The following PLCL1 variants were observed in gnomAD, a reference collection of about 807,000 sequenced individuals.
PLCL1 encodes the protein inactive phospholipase C-like protein 1.
PLCL1 carries 41 observed loss-of-function variants against 84.4 expected under a neutral mutation model. That is an observed-to-expected ratio of 0.49 (90% confidence interval 0.38 to 0.63). PLCL1 has a LOEUF of 0.63. PLCL1 is among the 30% of genes least tolerant of loss of function. PLCL1 has a pLI of 0.00. For missense variants in PLCL1, 1,206 were observed against 1,367.8 expected (o/e 0.88, Z 1.87); for synonymous variants, 490 against 488.3 (o/e 1.00, Z -0.05).
intron 1 of PLCL1, among the ~76,000 whole-genome samples, chr2:197,827,522 G>A (rs1259969713): frequency 6.6e-6 from 1 of 152,130 alleles, no homozygotes; most frequent in East Asian, 1.9e-4. Flanking sequence ...TTGGAAGAGA[G>A]AGAAGCTCAG....
chr2:197,971,471 T>G (rs1226179376), intron 1 of PLCL1, among the ~76,000 whole-genome samples: 2 of 152,116 alleles, frequency 1.3e-5, no homozygotes, highest in Non-Finnish European at 2.9e-5. Context: ...CATGAAAGTG[T>G]ACGAACCCAG....
intron 1 of PLCL1, among the ~76,000 whole-genome samples, chr2:197,942,663 A>G (rs1046390099): frequency 2.2e-4 from 34 of 152,282 alleles, no homozygotes; most frequent in Admixed American, 7.2e-4. Flanking sequence ...TTTCATGAAC[A>G]TTTGATGAGT....
chr2:197,921,371 C>T (rs967867823), intron 1 of PLCL1, among the ~76,000 whole-genome samples: 3 of 152,072 alleles, frequency 2.0e-5, no homozygotes, highest in Non-Finnish European at 4.4e-5. Context: ...AGAGGCACCT[C>T]TATTAATTAA....
intron 1 of PLCL1, among the ~76,000 whole-genome samples, chr2:197,835,933 CA>C: frequency 6.6e-6 from 1 of 152,204 alleles, no homozygotes; most frequent in East Asian, 1.9e-4. Flanking sequence ...ATTGTGAATT[CA>C]AATCTACCTA....
chr2:197,901,454 T>A (rs1438949630), intron 1 of PLCL1, among the ~76,000 whole-genome samples: 1 of 152,170 alleles, frequency 6.6e-6, no homozygotes, highest in East Asian at 1.9e-4. Flanking sequence ...TAAGTGGGAT[T>A]TCTGTTGGAT....
At chr2:198,108,369 T>C (rs1439116212) in intron 5 of PLCL1, among the ~76,000 whole-genome samples, 1 of 151,858 alleles carries the variant, frequency 6.6e-6, no homozygotes, top group Non-Finnish European at 1.5e-5. Flanking sequence ...AATTAACCAA[T>C]TCTGGTTAAA....
chr2:198,090,717 A>G (rs1693006099), intron 3 of PLCL1, among the ~76,000 whole-genome samples: 1 of 152,248 alleles, frequency 6.6e-6, no homozygotes, highest in African/African-American at 2.4e-5. Flanking sequence ...TATAATTGCC[A>G]TCTAAGAGGT....
intron 3 of PLCL1, among the ~76,000 whole-genome samples, chr2:198,092,459 A>G (rs1693069760): frequency 6.6e-6 from 1 of 152,232 alleles, no homozygotes; most frequent in African/African-American, 2.4e-5. Context: ...ATCACCTCAA[A>G]CATTTATTTC....
At position 198,086,006 on chromosome 2, in the gene PLCL1, C is replaced by A; in HGVS notation, c.2489C>A (p.Ser830Tyr). 6.2e-7 allele frequency: 1 copy of A among 1,614,008 alleles called. No homozygotes were observed. Among genetic ancestry groups the A allele is most frequent in the Non-Finnish European group, 8.5e-7 (1 of 1,179,978 alleles). The change falls in exon 2 of 6, where the codon TCT becomes TAT. Residue 830 changes from serine to tyrosine, a missense_variant. Transcript: ENST00000428675. ...GGATATCGGCATGTTCCCCTGCGTT[C>A]TTTTGTGGGTGACATCATGGAGCAC... is the stretch of plus-strand genomic sequence containing the variant. ...QPGYRHVPLR[S>Y]FVGDIMEHVT...
intron 1 of PLCL1, among the ~76,000 whole-genome samples, chr2:197,910,899 A>G (rs1277175971): frequency 6.6e-6 from 1 of 152,244 alleles, no homozygotes; most frequent in African/African-American, 2.4e-5. Flanking sequence ...GAGGGAAGCT[A>G]GAATAAAGAT....
intron 1 of PLCL1, among the ~76,000 whole-genome samples, chr2:197,936,137 C>CG (rs1689048423): frequency 6.8e-6 from 1 of 146,456 alleles, no homozygotes; most frequent in African/African-American, 2.5e-5. Flanking sequence ...AAACACCCCC[C>CG]CCCTCACATT....
chr2:197,805,214 G>A lies in PLCL1; in HGVS notation c.115G>A (p.Gly39Arg). Residue 39 changes from glycine (G) to arginine (R), a missense_variant, in exon 1 of 6, where the codon GGG (glycine) becomes AGG (arginine). Coordinates refer to ENST00000428675, the MANE Select transcript of PLCL1 (RefSeq NM_006226.4). The surrounding 1 kb of genome is among the most constrained non-coding windows in gnomAD (Gnocchi z 4.0). Reference sequence around the variant, plus strand: ...CGGGGACTGCGTGACGGCGGCCTCTGGGGGCCGGATGAGGGACCGTCGCAG... The same window carrying A: ...CGGGGACTGCGTGACGGCGGCCTCTAGGGGCCGGATGAGGGACCGTCGCAG... ...AAGDCVTAASGGRMRDRRSGV... is the reference protein window; with the variant it reads ...AAGDCVTAASRGRMRDRRSGV... 7.8e-7 allele frequency: 1 copy of A among 1,275,122 alleles called. No individual in the cohort carries two copies. Among genetic ancestry groups the A allele is most frequent in the Non-Finnish European group, 9.9e-7 (1 of 1,012,802 alleles). The allele number at this position is 1,275,122 out of a possible 1,614,324, so 79.0% of individuals were successfully genotyped here.
At chr2:197,872,647 C>T (rs1282051363) in intron 1 of PLCL1, among the ~76,000 whole-genome samples, 1 of 152,078 alleles carries the variant, frequency 6.6e-6, no homozygotes, top group East Asian at 1.9e-4. Flanking sequence ...ATGATACCCA[C>T]TTTATTGGAT....
chr2:197,818,947 G>C (rs370793505), intron 1 of PLCL1, among the ~76,000 whole-genome samples: 3 of 152,104 alleles, frequency 2.0e-5, no homozygotes, highest in African/African-American at 7.2e-5. Flanking sequence ...GCTGGTGAGG[G>C]ATGGGAGGGA....
intron 1 of PLCL1, among the ~76,000 whole-genome samples, chr2:197,931,151 C>T (rs1175538388): frequency 6.6e-6 from 1 of 152,052 alleles, no homozygotes. Context: ...GGAAAAGAAA[C>T]TGGGAGGTGT....
intron 1 of PLCL1, among the ~76,000 whole-genome samples, chr2:198,050,327 C>G (rs1691896726): frequency 6.6e-6 from 1 of 151,890 alleles, no homozygotes; most frequent in Admixed American, 6.6e-5. Context: ...GTAAAAGTAA[C>G]TCTTCAATAC....
chr2:198,052,525 G>GAA (rs568994388), intron 1 of PLCL1, among the ~76,000 whole-genome samples: 5 of 136,300 alleles, frequency 3.7e-5, no homozygotes, highest in African/African-American at 1.3e-4. Flanking sequence ...TATAGAGGTT[G>GAA]AAAAAAAAAA....
In PLCL1 at chr2:197,923,490, C is replaced by T. The variant is rs967448354; in HGVS notation, c.240+118151C>T. The stretch of plus-strand genomic sequence containing the variant: ...CTCACCTCCCAGACGGGGTCTCGGC[C>T]GGGCAGAGGCGCTCCTCACATCCCA... On this transcript the variant is annotated intron_variant, in intron 1 of 5. Coordinates refer to ENST00000428675, the MANE Select transcript of PLCL1 (RefSeq NM_006226.4). Among the ~76,000 whole-genome samples, 62 of 145,870 alleles carry T rather than the reference C, an allele frequency of 4.3e-4. No individual in the cohort carries two copies. In the South Asian group the frequency reaches 6.6e-3, roughly 16 times the overall value.
chr2:197,821,195 GC>G (rs1690808137), intron 1 of PLCL1, among the ~76,000 whole-genome samples: 1 of 152,016 alleles, frequency 6.6e-6, no homozygotes, highest in Non-Finnish European at 1.5e-5. Context: ...GTGGTACTCA[GC>G]CCTCCAAAGT....
Sources: allele counts gnomAD v4.1 joint callset (sites outside exome capture counted in the v4.1 genomes callset), GRCh38; gene constraint gnomAD v4.1.1; non-coding constraint Gnocchi (gnomAD v3.1); transcripts MANE v1.5; gene names NCBI Gene and HGNC (gene_info 2026-07-23, HGNC 2026-07-21).